EML1: variants seen among roughly 807,000 people sequenced by gnomAD.
EML1 encodes the protein EMAP like 1.
A neutral mutation model predicts 110.4 loss-of-function variants in EML1; 27 were observed. The ratio of observed to expected loss-of-function variants is 0.24; its 90% CI spans 0.18 to 0.34. The LOEUF (loss-of-function observed/expected upper bound fraction) is 0.34, where lower values mean the gene tolerates loss of function less well. Ranked by LOEUF, EML1 falls within the 10% of genes least tolerant of loss-of-function variation. The probability of loss-of-function intolerance (pLI) is 1.00; values close to 1 mark genes in which losing one functional copy is unlikely to be tolerated. For missense variants in EML1, 741 were observed against 1,030.9 expected (o/e 0.72, Z 3.85); for synonymous variants, 344 against 385.8 (o/e 0.89, Z 1.27).
At chr14:99,880,920 G>A (rs545487155) in intron 4 of EML1, among the ~76,000 whole-genome samples, 40 of 152,190 alleles carry the variant, frequency 2.6e-4, no homozygotes, top group Non-Finnish European at 5.3e-4. Context: ...GGCTTGTGTG[G>A]AGCAGAGGAA....
In EML1 at chr14:99,781,193, C is replaced by A. The variant is rs923716303; in HGVS notation, c.-27+7180C>A. On this transcript the variant is annotated intron_variant, in intron 1 of 22. Coordinates refer to the EML1 transcript ENST00000327921. The surrounding 1 kb of genome is among the most constrained non-coding windows in gnomAD (Gnocchi z 4.2). ...CAGCTTCTAATTCTTTCCTCTAATTCTTTCCTCCTCCCATCAAGTGTGCTT... is the reference window on the plus strand; with the variant it reads ...CAGCTTCTAATTCTTTCCTCTAATTATTTCCTCCTCCCATCAAGTGTGCTT... Among the ~76,000 whole-genome samples the A allele has an allele frequency of 2.6e-5, 4 of 152,026 alleles. No homozygotes were observed. The South Asian group carries it at 8.3e-4, about 32-fold the overall frequency.
At chr14:99,812,478 G>C (rs2058098265) in intron 1 of EML1, among the ~76,000 whole-genome samples, 1 of 151,890 alleles carries the variant, frequency 6.6e-6, no homozygotes, top group Admixed American at 6.6e-5. Flanking sequence ...GCATTGAGGT[G>C]CTGTCAGATC....
intron 1 of EML1, among the ~76,000 whole-genome samples, chr14:99,743,900 A>G (rs1043567913): frequency 2.0e-5 from 3 of 151,694 alleles, no homozygotes; most frequent in Non-Finnish European, 4.4e-5. Flanking sequence ...TTTAAAACAA[A>G]AGCTTTAAAA....
chr14:99,913,994 G>A (rs1255784402), intron 13 of EML1, among the ~76,000 whole-genome samples, 185 bp from the exon 14 acceptor site: 1 of 102,260 alleles, frequency 9.8e-6, no homozygotes, highest in Non-Finnish European at 2.0e-5. Context: ...CTGGCCAGCT[G>A]TGGTATCTAT....
chr14:99,745,399 A>G (rs936936430), intron 1 of EML1, among the ~76,000 whole-genome samples: 1 of 152,214 alleles, frequency 6.6e-6, no homozygotes. Flanking sequence ...GTACATACAC[A>G]TATGGCACAC....
chr14:99,907,543 T>C (rs767577007), intron 9 of EML1, 95 bp from the exon 10 acceptor site: 29 of 1,074,010 alleles, frequency 2.7e-5, no homozygotes, highest in Non-Finnish European at 4.0e-5. Context: ...TGTAGCAGAC[T>C]CTTTATTAAA....
At chr14:99,749,779 C>T (rs957340616) in intron 1 of EML1, among the ~76,000 whole-genome samples, 8 of 152,100 alleles carry the variant, frequency 5.3e-5, no homozygotes, top group Non-Finnish European at 1.0e-4. Flanking sequence ...TGCGGCAGGC[C>T]GAGTGACCCC....
intron 1 of EML1, among the ~76,000 whole-genome samples, chr14:99,816,481 C>T (rs1399936682): frequency 1.3e-5 from 2 of 152,324 alleles, no homozygotes; most frequent in Admixed American, 6.5e-5. Flanking sequence ...ATTTGATTCC[C>T]ACAACCACAG....
intron 1 of EML1, among the ~76,000 whole-genome samples, chr14:99,824,512 C>T (rs1356286830): frequency 6.6e-6 from 1 of 151,314 alleles, no homozygotes; most frequent in Non-Finnish European, 1.5e-5. Context: ...CATACACATA[C>T]TGTGTACACA....
chr14:99,859,934 C>G (rs1296754494), intron 2 of EML1, among the ~76,000 whole-genome samples: 1 of 152,176 alleles, frequency 6.6e-6, no homozygotes, highest in Non-Finnish European at 1.5e-5. Context: ...TACTATGTGC[C>G]GGGCACTGTA....
chr14:99,794,923 A>G (rs998264456), intron 1 of EML1, among the ~76,000 whole-genome samples: 3 of 152,224 alleles, frequency 2.0e-5, no homozygotes, highest in African/African-American at 7.2e-5. Context: ...AGATTCCTCA[A>G]TTAACATTTT....
chr14:99,914,487 T>TTA, intron 14 of EML1, 79 bp from the exon 15 acceptor site: 1 of 1,536,210 alleles, frequency 6.5e-7, no homozygotes, highest in Non-Finnish European at 8.7e-7. Flanking sequence ...GCATGAAGCC[T>TTA]CGGTTCGTCA....
upstream of EML1, among the ~76,000 whole-genome samples, chr14:99,791,233 G>C (rs1418749577): frequency 3.9e-5 from 6 of 152,136 alleles, no homozygotes; most frequent in Admixed American, 3.9e-4. Flanking sequence ...TGCATCACCA[G>C]GGTGCTCCAG....
rs528604713 is a variant in EML1 at position 99,738,741 on chromosome 14, G to C, written c.28+881G>C. ...TGTGTGAAAGCGCCTGTGGGTGCCT[G>C]GGGTGCACTGAGTGCTCAGGGCCCT... On this transcript the variant is annotated intron_variant, in intron 1 of 10. Coordinates refer to the EML1 transcript ENST00000554479. Among the ~76,000 whole-genome samples the C allele has an allele frequency of 5.3e-5, 8 of 152,354 alleles. No homozygotes were observed. The South Asian group carries it at 1.7e-3, about 32-fold the overall frequency.
At position 99,850,821 on chromosome 14, in the gene EML1, T is replaced by C. The variant is rs2058784056; in HGVS notation, c.68-32T>C. On this transcript the variant is annotated intron_variant, in intron 1 of 21. Coordinates refer to ENST00000262233, the MANE Select transcript of EML1 (RefSeq NM_004434.3). ...TATAGATCTGATTTCCGGGGAACAC[T>C]TAAAGCTCACTTGATCCTTTCTTTG... 4 of 1,604,848 alleles carry C rather than the reference T, an allele frequency of 2.5e-6. No individual in the cohort carries two copies. In the African/African-American group the frequency reaches 5.4e-5, roughly 21 times the overall value.
At chr14:99,920,487 C>A (rs1030292950) in intron 16 of EML1, among the ~76,000 whole-genome samples, 5 of 152,262 alleles carry the variant, frequency 3.3e-5, no homozygotes, top group Admixed American at 2.6e-4. Flanking sequence ...GTATTGGCAT[C>A]TTCCCTGCCC....
At chr14:99,838,580 G>C (rs541750102) in intron 1 of EML1, among the ~76,000 whole-genome samples, 2 of 150,724 alleles carry the variant, frequency 1.3e-5, no homozygotes, top group Middle Eastern at 3.2e-3. Context: ...TCATGGTTAA[G>C]ATTTGGCAAC....
At chr14:99,830,336 G>C (rs544635577) in intron 1 of EML1, among the ~76,000 whole-genome samples, 17 of 152,052 alleles carry the variant, frequency 1.1e-4, no homozygotes, top group Admixed American at 5.2e-4. Context: ...TTTGAAATTG[G>C]GTTGTTTATC....
intron 1 of EML1, among the ~76,000 whole-genome samples, chr14:99,801,337 C>T (rs538854449): frequency 9.2e-5 from 14 of 152,220 alleles, no homozygotes; most frequent in Non-Finnish European, 1.0e-4. Context: ...AGTAATTGGC[C>T]GGGCACGGTG....
Sources: allele counts gnomAD v4.1 joint callset (sites outside exome capture counted in the v4.1 genomes callset), GRCh38; gene constraint gnomAD v4.1.1; non-coding constraint Gnocchi (gnomAD v3.1); transcripts MANE v1.5; gene names NCBI Gene and HGNC (gene_info 2026-07-23, HGNC 2026-07-21).